Variants in KCTD8 observed in about 807,000 individuals in gnomAD.
KCTD8 encodes BTB/POZ domain-containing protein KCTD8.
A neutral mutation model predicts 31.5 loss-of-function variants in KCTD8; 27 were observed. That is an observed-to-expected ratio of 0.86 (90% CI 0.63 to 1.18). The LOEUF is 1.18. Among genes scored for constraint, KCTD8 ranks in the 50% most tolerant of loss-of-function variants. The pLI is 0.00. For missense variants in KCTD8, 658 were observed against 647.7 expected, an observed-to-expected ratio of 1.02 and a Z score of -0.17; for synonymous variants, 290 against 280.0, an observed-to-expected ratio of 1.04 and a Z score of -0.36.
rs146581303 is a variant in KCTD8 at position 44,414,870 on chromosome 4, A to G, written c.961+32693T>C. On this transcript the variant is annotated intron_variant, in intron 1 of 1. Coordinates refer to ENST00000360029, the MANE Select transcript of KCTD8 (RefSeq NM_198353.3). ...TGGTACTGAGGAGTCAGCTGTTGCA[A>G]TAAAGATACTTGAGATTGTGGAAGC... Among the ~76,000 whole-genome samples the G allele has an allele frequency of 3.9e-5, 6 of 152,226 alleles. No homozygotes were observed. The East Asian group carries it at 1.2e-3, about 29-fold the overall frequency.
chr4:44,181,664 G>A (rs1253360494), intron 1 of KCTD8, among the ~76,000 whole-genome samples: 8 of 152,122 alleles, frequency 5.3e-5, no homozygotes, highest in African/African-American at 1.7e-4. Flanking sequence ...TGCCCCGGCC[G>A]CCACCCCGTC....
intron 1 of KCTD8, among the ~76,000 whole-genome samples, chr4:44,400,550 G>A (rs183100844): frequency 0.019 from 2,889 of 151,828 alleles, 41 homozygotes; most frequent in Non-Finnish European, 0.03. Context: ...CCAACATGGC[G>A]AAACCCTGCC....
At chr4:44,314,165 G>A (rs368556469) in intron 1 of KCTD8, among the ~76,000 whole-genome samples, 130 of 152,294 alleles carry the variant, frequency 8.5e-4, no homozygotes, top group African/African-American at 3.0e-3. Context: ...TCTAAGTTTG[G>A]TAACTGGTGG....
At chr4:44,258,806 A>G (rs1428098194) in intron 1 of KCTD8, among the ~76,000 whole-genome samples, 2 of 151,844 alleles carry the variant, frequency 1.3e-5, no homozygotes, top group Admixed American at 6.6e-5. Flanking sequence ...GGGGGCTCTC[A>G]GGCTAGATTG....
chr4:44,414,373 C>A (rs1206173242), intron 1 of KCTD8, among the ~76,000 whole-genome samples: 3 of 152,120 alleles, frequency 2.0e-5, no homozygotes, highest in Non-Finnish European at 4.4e-5. Flanking sequence ...TCCCTTTGAT[C>A]TTCTGTGTTT....
intron 1 of KCTD8, among the ~76,000 whole-genome samples, chr4:44,393,324 A>G (rs1720416784): frequency 6.6e-6 from 1 of 152,068 alleles, no homozygotes; most frequent in African/African-American, 2.4e-5. Context: ...AGTTAAAAGA[A>G]TACATATTTG....
intron 1 of KCTD8, among the ~76,000 whole-genome samples, chr4:44,221,862 C>T (rs896164914): frequency 2.6e-5 from 4 of 151,980 alleles, no homozygotes; most frequent in South Asian, 2.1e-4. Flanking sequence ...TAATCTCCTT[C>T]GGCGACACCC....
intron 1 of KCTD8, among the ~76,000 whole-genome samples, chr4:44,246,418 T>A (rs545800341): frequency 1.3e-5 from 2 of 152,176 alleles, no homozygotes; most frequent in Non-Finnish European, 2.9e-5. Flanking sequence ...ACCCACTGTT[T>A]TCCATCTCTT....
chr4:44,192,336 C>T (rs1269937556), intron 1 of KCTD8, among the ~76,000 whole-genome samples: 2 of 151,788 alleles, frequency 1.3e-5, no homozygotes, highest in Admixed American at 6.6e-5. Context: ...GGTCATGTGC[C>T]CACATTCTTT....
intron 1 of KCTD8, among the ~76,000 whole-genome samples, chr4:44,339,033 T>C (rs1466452968): frequency 6.6e-6 from 1 of 152,218 alleles, no homozygotes; most frequent in East Asian, 1.9e-4. Context: ...AAGAGCTGTC[T>C]GAAGGCCACA....
intron 1 of KCTD8, among the ~76,000 whole-genome samples, chr4:44,390,828 C>T (rs970428649): frequency 2.6e-5 from 4 of 151,916 alleles, no homozygotes; most frequent in African/African-American, 9.7e-5. Flanking sequence ...AACAGTTTTA[C>T]ACTGCTGGTG....
At chr4:44,325,236 C>A (rs530466315) in intron 1 of KCTD8, among the ~76,000 whole-genome samples, 6 of 151,896 alleles carry the variant, frequency 4.0e-5, no homozygotes, top group African/African-American at 1.5e-4. Flanking sequence ...TATGTAAGAT[C>A]CTTTAAAATA....
At chr4:44,421,128 T>C (rs1423546761) in intron 1 of KCTD8, among the ~76,000 whole-genome samples, 1 of 152,134 alleles carries the variant, frequency 6.6e-6, no homozygotes, top group African/African-American at 2.4e-5. Flanking sequence ...GAGGATCAGT[T>C]GTCTCCATAC....
At chr4:44,204,395 G>A (rs1298975124) in intron 1 of KCTD8, among the ~76,000 whole-genome samples, 5 of 152,114 alleles carry the variant, frequency 3.3e-5, no homozygotes, top group East Asian at 1.9e-4. Flanking sequence ...TGATCTAATC[G>A]GTTATGTTAT....
intron 1 of KCTD8, among the ~76,000 whole-genome samples, chr4:44,329,846 A>G (rs1190155952): frequency 6.6e-6 from 1 of 151,944 alleles, no homozygotes; most frequent in African/African-American, 2.4e-5. Flanking sequence ...AAATTTAAAT[A>G]TCTATTTTAA....
chr4:44,438,007 G>A (rs943461261), intron 1 of KCTD8, among the ~76,000 whole-genome samples: 3 of 152,034 alleles, frequency 2.0e-5, no homozygotes, highest in South Asian at 4.1e-4. Flanking sequence ...TGCCACTGTA[G>A]CAACTTTTCT....
chr4:44,302,391 C>T (rs1717653946), intron 1 of KCTD8, among the ~76,000 whole-genome samples: 1 of 152,130 alleles, frequency 6.6e-6, no homozygotes, highest in Non-Finnish European at 1.5e-5. Flanking sequence ...TCTTTTATTT[C>T]ATTGAGCAGT....
At chr4:44,266,210 C>G (rs1438903139) in intron 1 of KCTD8, among the ~76,000 whole-genome samples, 1 of 152,156 alleles carries the variant, frequency 6.6e-6, no homozygotes, top group East Asian at 1.9e-4. Context: ...AGAAACTCTA[C>G]AAGCCAGAAG....
chr4:44,448,111 T>C lies in KCTD8; in HGVS notation c.413A>G (p.Gln138Arg). The C allele has an allele frequency of 6.2e-7, 1 of 1,612,304 alleles. No individual in the cohort carries two copies. The highest frequency in any genetic ancestry group is 8.5e-7 in the Non-Finnish European group (1 of 1,179,760). The change falls in exon 1 of 2, where the codon CAG (glutamine) becomes CGG (arginine). Residue 138 changes from glutamine to arginine, a missense_variant. Coordinates refer to ENST00000360029, the MANE Select transcript of KCTD8 (RefSeq NM_198353.3). The surrounding 1 kb of genome is among the most constrained non-coding windows in gnomAD (Gnocchi z 4.1). ...CAGCAGCTTGACCAAGTCGGTGAGC[T>C]GGAAATACTCGGCCTCGCGCAGCAG... ...ERLLREAEYF[Q>R]LTDLVKLLSP...
Sources: allele counts gnomAD v4.1 joint callset (sites outside exome capture counted in the v4.1 genomes callset), GRCh38; gene constraint gnomAD v4.1.1; non-coding constraint Gnocchi (gnomAD v3.1); transcripts MANE v1.5; gene names NCBI Gene and HGNC (gene_info 2026-07-23, HGNC 2026-07-21).